Variants in MYO1E observed in about 807,000 individuals in gnomAD.
MYO1E encodes myosin IE, also known as unconventional myosin-Ie.
In MYO1E, 68 loss-of-function variants were observed where a neutral mutation model predicts 151.1. That is an observed-to-expected ratio of 0.45 (90% CI 0.37 to 0.55). The LOEUF is 0.55. Among genes scored for constraint, MYO1E ranks in the 20% least tolerant of loss-of-function variants. MYO1E has a pLI of 0.00. For missense variants in MYO1E, 1,363 were observed against 1,389.3 expected (o/e 0.98, Z 0.30); for synonymous variants, 601 against 501.7 (o/e 1.20, Z -2.64).
chr15:59,324,997 G>A (rs1367531052), intron 1 of MYO1E, among the ~76,000 whole-genome samples: 3 of 146,826 alleles, frequency 2.0e-5, no homozygotes, highest in Non-Finnish European at 3.0e-5. Flanking sequence ...CTTCCCTTCA[G>A]TAGGGTTTAA....
chr15:59,180,369 G>T (rs890716690), intron 18 of MYO1E, among the ~76,000 whole-genome samples: 1 of 152,162 alleles, frequency 6.6e-6, no homozygotes, highest in Non-Finnish European at 1.5e-5. Flanking sequence ...TTCATGGAGG[G>T]TAGAAGTGAG....
chr15:59,285,655 T>C (rs2080383535), intron 1 of MYO1E, among the ~76,000 whole-genome samples: 1 of 152,076 alleles, frequency 6.6e-6, no homozygotes, highest in Admixed American at 6.6e-5. Flanking sequence ...GACTAGACAC[T>C]GTCTTTAAAA....
At chr15:59,343,036 T>C (rs1233100219) in intron 1 of MYO1E, among the ~76,000 whole-genome samples, 3 of 152,238 alleles carry the variant, frequency 2.0e-5, no homozygotes, top group African/African-American at 7.2e-5. Flanking sequence ...ATATGTATAG[T>C]TTACACACTA....
intron 1 of MYO1E, among the ~76,000 whole-genome samples, chr15:59,272,733 C>T (rs1447025385): frequency 3.3e-5 from 5 of 152,132 alleles, no homozygotes; most frequent in South Asian, 2.1e-4. Context: ...CATTTCACAA[C>T]GCTGCTGTAA....
chr15:59,221,288 G>A (rs2140348097), intron 9 of MYO1E, among the ~76,000 whole-genome samples: 1 of 152,030 alleles, frequency 6.6e-6, no homozygotes, highest in South Asian at 2.1e-4. Context: ...GGGATTACAG[G>A]CATGAGCCAC....
At chr15:59,244,296 G>A (rs867518431) in intron 4 of MYO1E, among the ~76,000 whole-genome samples, 5 of 152,222 alleles carry the variant, frequency 3.3e-5, no homozygotes, top group African/African-American at 1.2e-4. Flanking sequence ...CCAATGTTGA[G>A]TATGAAGACC....
At chr15:59,271,967 G>A (rs2081324506) in intron 2 of MYO1E, among the ~76,000 whole-genome samples, 1 of 152,168 alleles carries the variant, frequency 6.6e-6, no homozygotes, top group Non-Finnish European at 1.5e-5. Context: ...GAATAACCGG[G>A]CATCATCTTT....
rs2080815606 is a variant in MYO1E, at chr15:59,350,055, G to A, written c.3+22443C>T. Reference sequence around the variant, plus strand: ...TGGTGCGTTACATAGTCCCAATGGTGGTATCTAAGGCATTTTATAATTTTC... The same window carrying A: ...TGGTGCGTTACATAGTCCCAATGGTAGTATCTAAGGCATTTTATAATTTTC... On this transcript the variant is annotated intron_variant, in intron 1 of 27. Coordinates refer to ENST00000288235, the MANE Select transcript of MYO1E (RefSeq NM_004998.4). The surrounding 1 kb of genome is among the most constrained non-coding windows in gnomAD (Gnocchi z 5.0). Among the ~76,000 whole-genome samples the A allele has an allele frequency of 1.3e-5, 2 of 152,132 alleles. No individual in the cohort carries two copies. Among genetic ancestry groups the A allele is most frequent in the Non-Finnish European group, 2.9e-5 (2 of 68,036 alleles).
At chr15:59,372,414 C>T (rs2080952512) in intron 1 of MYO1E, 84 bp downstream of exon 1, 1 of 1,501,028 alleles carries the variant, frequency 6.7e-7, no homozygotes, top group African/African-American at 1.4e-5. Context: ...GCCCCGGCAG[C>T]GCGCCCAAGG....
intron 1 of MYO1E, among the ~76,000 whole-genome samples, chr15:59,340,317 T>C (rs1416264064): frequency 1.3e-5 from 2 of 151,824 alleles, no homozygotes; most frequent in Admixed American, 6.6e-5. Flanking sequence ...TCAAAAAAAA[T>C]AGCAATTTTT....
intron 19 of MYO1E, among the ~76,000 whole-genome samples, chr15:59,174,861 T>G (rs796283987): frequency 5.3e-5 from 8 of 152,254 alleles, no homozygotes; most frequent in African/African-American, 1.7e-4. Context: ...GACTTGCATT[T>G]GCCCAGAAAG....
chr15:59,166,458 A>C (rs1471303209), intron 22 of MYO1E, among the ~76,000 whole-genome samples: 3 of 152,104 alleles, frequency 2.0e-5, no homozygotes, highest in Admixed American at 1.3e-4. Flanking sequence ...GTATTGCTGA[A>C]AACACTAGAA....
intron 25 of MYO1E, among the ~76,000 whole-genome samples, chr15:59,154,512 T>C (rs1363605306): frequency 1.3e-5 from 2 of 152,254 alleles, no homozygotes; most frequent in Non-Finnish European, 2.9e-5. Flanking sequence ...AAGAGGCCCT[T>C]ATTCATTCTC....
At position 59,137,273 on chromosome 15, in the gene MYO1E, T is replaced by G; in HGVS notation, c.*107A>C. ...AAGGTACCAGAATAGCTCCAGGCCT[T>G]GGAGAAGCAATTGCTCATTGTGGAT... On this transcript the variant is annotated 3_prime_UTR_variant, in exon 28 of 28. Transcript: ENST00000288235. 1 of 1,042,066 alleles carries G rather than the reference T, an allele frequency of 9.6e-7. No homozygotes were observed. Among genetic ancestry groups the G allele is most frequent in the Non-Finnish European group, 1.5e-6 (1 of 670,044 alleles). The allele number at this position is 1,042,066 out of a possible 1,614,324, so 64.6% of individuals were successfully genotyped here.
intron 1 of MYO1E, among the ~76,000 whole-genome samples, chr15:59,368,838 T>C (rs1244425833): frequency 1.3e-5 from 2 of 152,206 alleles, no homozygotes; most frequent in Admixed American, 1.3e-4. Context: ...GTCTGCTTCT[T>C]ATACTTCTCC....
intron 1 of MYO1E, among the ~76,000 whole-genome samples, chr15:59,308,411 C>T (rs2080528860): frequency 1.3e-5 from 2 of 152,010 alleles, no homozygotes; most frequent in Admixed American, 6.6e-5. Flanking sequence ...ATGGCTCACG[C>T]CTGTAATCCC....
intron 5 of MYO1E, among the ~76,000 whole-genome samples, chr15:59,234,971 G>A (rs1186300706): frequency 6.6e-6 from 1 of 152,082 alleles, no homozygotes; most frequent in Non-Finnish European, 1.5e-5. Flanking sequence ...GGTGCATACT[G>A]GTGATGAGCG....
intron 26 of MYO1E, among the ~76,000 whole-genome samples, chr15:59,151,611 T>C (rs2079479292): frequency 6.6e-6 from 1 of 151,954 alleles, no homozygotes; most frequent in South Asian, 2.1e-4. Context: ...CATCAAATAA[T>C]AGGGCATAAA....
At chr15:59,352,183 T>C (rs145887801) in intron 1 of MYO1E, among the ~76,000 whole-genome samples, 63 of 152,286 alleles carry the variant, frequency 4.1e-4, no homozygotes, top group African/African-American at 1.4e-3. Context: ...AGGAGAAAAG[T>C]TTCCCTCGAT....
Sources: gnomAD v4.1 joint callset for allele counts (sites outside exome capture counted in the v4.1 genomes callset) on GRCh38, gnomAD v4.1.1 for gene constraint, Gnocchi (gnomAD v3.1) non-coding constraint, MANE v1.5 for transcripts, NCBI Gene and HGNC (gene_info 2026-07-23, HGNC 2026-07-21) for gene names.